The following SP6 variants were observed in gnomAD, a reference collection of about 807,000 sequenced individuals.
The protein encoded by SP6 is Sp6 transcription factor.
In SP6, 10 loss-of-function variants were observed where a neutral mutation model predicts 23.4. The ratio of observed to expected loss-of-function variants is 0.43; its 90% confidence interval spans 0.26 to 0.72. The LOEUF is 0.72. SP6 is among the 30% of genes least tolerant of loss of function. The probability of loss-of-function intolerance (pLI) is 0.23; values close to 1 mark genes in which losing one functional copy is unlikely to be tolerated. For synonymous variants in SP6, 238 were observed against 238.7 expected, an observed-to-expected ratio of 1.00 and a Z score of 0.03; for missense variants, 482 against 523.8, an observed-to-expected ratio of 0.92 and a Z score of 0.78.
chr17:47,870,059 G>A, the SP6 span, among the ~76,000 whole-genome samples: 1 of 152,222 alleles, frequency 6.6e-6, no homozygotes, highest in Non-Finnish European at 1.5e-5. Context: ...TTTCTGGACT[G>A]TGTGTGTGTA....
chr17:47,862,730 A>G, the SP6 span, among the ~76,000 whole-genome samples: 1 of 152,202 alleles, frequency 6.6e-6, no homozygotes, highest in African/African-American at 2.4e-5. Flanking sequence ...TGATCTATGA[A>G]CCTGGGACAA....
Position 47,847,016 on chromosome 17 carries a change from C to T in SP6, c.*283G>A. On this transcript the variant is annotated 3_prime_UTR_variant, in exon 2 of 2. Transcript: ENST00000536300. ...CGCCAGCCAGCCGCGGTACGGGTGT[C>T]CCACCCCAACCCCCCAGCCCAGGGG... The T allele has an allele frequency of 2.2e-6, 1 of 446,008 alleles. No individual in the cohort carries two copies. 27.6% of individuals were successfully genotyped at this position (446,008 alleles called of 1,614,324 possible).
At chr17:47,849,378 C>T (rs948033025) in intron 1 of SP6, among the ~76,000 whole-genome samples, 2 of 152,086 alleles carry the variant, frequency 1.3e-5, no homozygotes, top group African/African-American at 2.4e-5. Flanking sequence ...ACAATTGCAC[C>T]CCTTTAAGTG....
chr17:47,853,634 T>C (rs957559368), upstream of SP6, among the ~76,000 whole-genome samples: 8 of 152,154 alleles, frequency 5.3e-5, no homozygotes, highest in Admixed American at 1.3e-4. Context: ...GCAACAGGGA[T>C]TCAGCCCGAG....
upstream of SP6, among the ~76,000 whole-genome samples, chr17:47,855,133 AC>A: frequency 6.6e-6 from 1 of 152,238 alleles, no homozygotes; most frequent in Middle Eastern, 3.4e-3. Flanking sequence ...CCTAGCTACC[AC>A]CATCGCTTTT....
chr17:47,862,507 CA>C, the SP6 span, among the ~76,000 whole-genome samples: 1,034 of 85,970 alleles, frequency 0.012, 6 homozygotes, highest in South Asian at 0.018. Flanking sequence ...GACTTTGTCT[CA>C]AAAAAAAAAA....
upstream of SP6, among the ~76,000 whole-genome samples, chr17:47,855,485 C>T (rs1386970876): frequency 6.6e-6 from 1 of 152,194 alleles, no homozygotes; most frequent in Non-Finnish European, 1.5e-5. Flanking sequence ...AAAAGACCTC[C>T]AAGGGATCCC....
At chr17:47,864,434 T>A in the SP6 span, 2 of 126,298 alleles carry the variant, frequency 1.6e-5, no homozygotes, top group Admixed American at 1.5e-4. Context: ...AGCTAATTTT[T>A]AATTTTTTTT....
chr17:47,847,326 G>A lies in SP6; in HGVS notation c.1104C>T (p.Ala368=). Residue 368 remains alanine, a synonymous_variant, in exon 2 of 2, where the codon GCC becomes GCT. Transcript: ENST00000536300. ...EPPGGKGKRE[A]EGSVAPSN ...AGTTGGAGGGAGCCACGCTGCCCTC[G>A]GCCTCGCGTTTGCCTTTGCCCCCGG... is the stretch of plus-strand genomic sequence containing the variant. 1 of 1,576,036 alleles carries A rather than the reference G, an allele frequency of 6.3e-7. No individual in the cohort carries two copies.
the SP6 span, among the ~76,000 whole-genome samples, chr17:47,871,697 C>T: frequency 1.3e-5 from 2 of 151,892 alleles, no homozygotes; most frequent in Admixed American, 6.6e-5. Context: ...TGGCTCACCA[C>T]AACCTCTGCC....
chr17:47,859,477 G>C (rs73985421), upstream of SP6, among the ~76,000 whole-genome samples: 5,114 of 152,222 alleles, frequency 0.034, 278 homozygotes, highest in African/African-American at 0.12. Context: ...CTTCTCTACT[G>C]GTTGAATCCT....
At position 47,847,363 on chromosome 17, in the gene SP6, G is replaced by A. The variant is rs1028252961; in HGVS notation, c.1067C>T (p.Ala356Val). The A allele has an allele frequency of 6.2e-7, 1 of 1,606,882 alleles. No homozygotes were observed. The highest frequency in any genetic ancestry group is 8.5e-7 in the Non-Finnish European group (1 of 1,176,948). Residue 356 changes from alanine to valine, a missense_variant, in exon 2 of 2, where the codon GCA (alanine) becomes GTA (valine). Physicochemically the swap from Ala to Val is moderately conservative, Grantham distance 64. This residue lies in a region of SP6 where 101 missense variants were observed against 99.3 expected (regional missense o/e 1.02). Coordinates refer to ENST00000536300, the MANE Select transcript of SP6 (RefSeq NM_001258248.2). The part of the protein sequence containing the change: ...AASGEGKAGG[A>V]VEPPGGKGKR... ...GCCTTTGCCCCCGGGGGGCTCCACTGCGCCGCCGGCCTTGCCCTCTCCCGA... is the reference window on the plus strand; with the variant it reads ...GCCTTTGCCCCCGGGGGGCTCCACTACGCCGCCGGCCTTGCCCTCTCCCGA...
At chr17:47,863,444 G>C in the SP6 span, 1 of 152,156 alleles carries the variant, frequency 6.6e-6, no homozygotes, top group Non-Finnish European at 1.5e-5. Flanking sequence ...TAAGTTAATG[G>C]AAGGACGAAT....
chr17:47,867,990 C>T, the SP6 span, among the ~76,000 whole-genome samples: 1 of 152,146 alleles, frequency 6.6e-6, no homozygotes, highest in Non-Finnish European at 1.5e-5. Flanking sequence ...CACATAGAGC[C>T]TCCACCAGCA....
rs560368067 is a variant in SP6 at position 47,848,368 on chromosome 17, G to T, written c.62C>A (p.Pro21Gln). The T allele has an allele frequency of 2.5e-6, 4 of 1,582,044 alleles. No homozygotes were observed. In the African/African-American group the frequency reaches 4.1e-5, roughly 16 times the overall value. ...GAGAGGCTGCAGGTCGAGGCGCGGC[G>T]GGGAGGCGTGCGGCGCTTCCGTGTG... The part of the protein sequence containing the change: ...SQHTEAPHAS[P>Q]PRLDLQPLQT... The change falls in exon 2 of 2, where the codon CCG (proline) becomes CAG (glutamine). Residue 21 changes from proline (P) to glutamine (Q), a missense_variant. This residue lies in a region of SP6 where 330 missense variants were observed against 332.3 expected (regional missense o/e 0.99). Transcript: ENST00000536300. This position sits in a 1 kb window ranked among gnomAD's most constrained non-coding sequence, Gnocchi z 5.3.
At chr17:47,869,944 C>G in the SP6 span, among the ~76,000 whole-genome samples, 1 of 152,198 alleles carries the variant, frequency 6.6e-6, no homozygotes, top group Admixed American at 6.5e-5. Context: ...AATACTTTGT[C>G]TTATGATTCC....
chr17:47,847,352 G>A lies in SP6; in HGVS notation c.1078C>T (p.Pro360Ser). 6.2e-7 allele frequency: 1 copy of A among 1,602,598 alleles called. No homozygotes were observed. Among genetic ancestry groups the A allele is most frequent in the Non-Finnish European group, 8.5e-7 (1 of 1,174,716 alleles). The change falls in exon 2 of 2, where the codon CCC (proline) becomes TCC (serine). Residue 360 changes from proline to serine, a missense_variant. Transcript: ENST00000536300. ...EGKAGGAVEP[P>S]GGKGKREAEG... ...GCCTCGCGTTTGCCTTTGCCCCCGG[G>A]GGGCTCCACTGCGCCGCCGGCCTTG...
the SP6 span, among the ~76,000 whole-genome samples, chr17:47,865,894 C>T: frequency 6.6e-6 from 1 of 152,144 alleles, no homozygotes; most frequent in African/African-American, 2.4e-5. Flanking sequence ...CCCTTCAGAC[C>T]CACAAGAGGA....
chr17:47,869,858 T>C, the SP6 span, among the ~76,000 whole-genome samples: 4 of 152,270 alleles, frequency 2.6e-5, no homozygotes, highest in Admixed American at 1.3e-4. Context: ...ATGTATGTTC[T>C]ATATTTATAA....
Sources: allele counts gnomAD v4.1 joint callset (sites outside exome capture counted in the v4.1 genomes callset), GRCh38; gene constraint gnomAD v4.1.1; regional missense constraint gnomAD v4.1.1; non-coding constraint Gnocchi (gnomAD v3.1); transcripts MANE v1.5; gene names NCBI Gene and HGNC (gene_info 2026-07-23, HGNC 2026-07-21).